The following CAPSL variants were observed in gnomAD, a reference collection of about 807,000 sequenced individuals.
The protein encoded by CAPSL is calcyphosin-like protein.
Under a neutral mutation model 21.3 loss-of-function variants are expected in CAPSL, and 17 were observed. The observed-to-expected ratio is 0.80, with a 90% CI of 0.55 to 1.20. CAPSL has a LOEUF of 1.20. Ranked by LOEUF, CAPSL falls within the 50% of genes most tolerant of loss-of-function variation. The pLI, the probability that CAPSL is intolerant of heterozygous loss-of-function variation, is 0.00. For missense variants in CAPSL, 289 were observed against 259.3 expected (o/e 1.11, Z -0.79); for synonymous variants, 102 against 89.3 (o/e 1.14, Z -0.80).
At chr5:35,916,828 C>T (rs1206803642) in intron 2 of CAPSL, among the ~76,000 whole-genome samples, 1 of 152,150 alleles carries the variant, frequency 6.6e-6, no homozygotes, top group African/African-American at 2.4e-5. Flanking sequence ...GTCTAAAACA[C>T]CAAAAGCAAT....
chr5:35,904,606 C>T lies in CAPSL; in HGVS notation c.566G>A (p.Ser189Asn), dbSNP rs1378620557. The T allele has an allele frequency of 6.2e-7, 1 of 1,613,834 alleles. No individual in the cohort carries two copies. Among genetic ancestry groups the T allele is most frequent in the African/African-American group, 1.3e-5 (1 of 74,942 alleles). Residue 189 changes from serine (S) to asparagine (N), a missense_variant, in exon 5 of 5, where the codon AGC becomes AAC. By Grantham distance (46) the Ser-to-Asn change is conservative. Coordinates refer to ENST00000651391, the MANE Select transcript of CAPSL (RefSeq NM_001042625.2). ...EEFMNYYAGV[S>N]ASIDTDVYFI... ...GTACACATCAGTGTCAATGGATGCG[C>T]TCACACCTGCATAGTAGTTCATGAA...
At chr5:35,910,224 T>G in intron 3 of CAPSL, 142 bp downstream of exon 3, 2 of 1,119,132 alleles carry the variant, frequency 1.8e-6, no homozygotes, top group Non-Finnish European at 2.5e-6. Flanking sequence ...GCTCCAAAAA[T>G]TCCTAAGTCT....
intron 2 of CAPSL, among the ~76,000 whole-genome samples, chr5:35,916,616 G>A (rs370584746): frequency 2.0e-5 from 3 of 152,324 alleles, no homozygotes; most frequent in East Asian, 3.9e-4. Context: ...AATGGGGAAA[G>A]GATTGCCTAT....
intron 1 of CAPSL, among the ~76,000 whole-genome samples, chr5:35,926,031 G>A (rs1032165494): frequency 6.8e-6 from 1 of 147,352 alleles, no homozygotes; most frequent in Non-Finnish European, 1.5e-5. Flanking sequence ...AGCCAAGATC[G>A]CGCCACTGCA....
At chr5:35,933,502 T>C (rs1227324099) in intron 1 of CAPSL, among the ~76,000 whole-genome samples, 1 of 152,152 alleles carries the variant, frequency 6.6e-6, no homozygotes, top group East Asian at 1.9e-4. Flanking sequence ...TCAGAAAATG[T>C]TCATTTTTTA....
intron 1 of CAPSL, among the ~76,000 whole-genome samples, chr5:35,932,888 A>T (rs528805378): frequency 6.6e-6 from 1 of 152,318 alleles, no homozygotes; most frequent in East Asian, 1.9e-4. Flanking sequence ...GTTATGAAGG[A>T]TGCCCTCAGT....
chr5:35,922,486 CA>C (rs1738565600), intron 1 of CAPSL, among the ~76,000 whole-genome samples: 1 of 152,140 alleles, frequency 6.6e-6, no homozygotes, highest in Admixed American at 6.5e-5. Context: ...AACCTCGGGT[CA>C]AGAAGGAGAC....
chr5:35,923,855 G>GTTGA (rs1295117867), intron 1 of CAPSL, among the ~76,000 whole-genome samples: 4 of 152,074 alleles, frequency 2.6e-5, no homozygotes, highest in Admixed American at 1.3e-4. Flanking sequence ...CATTGTGAAT[G>GTTGA]TAATATACAC....
intron 2 of CAPSL, among the ~76,000 whole-genome samples, chr5:35,917,632 C>G (rs1413754585): frequency 6.6e-6 from 1 of 152,144 alleles, no homozygotes; most frequent in Admixed American, 6.5e-5. Flanking sequence ...AACCAAACAC[C>G]GCATGTTCGC....
chr5:35,926,512 A>G (rs1054660783), intron 1 of CAPSL, among the ~76,000 whole-genome samples: 1 of 152,196 alleles, frequency 6.6e-6, no homozygotes, highest in Non-Finnish European at 1.5e-5. Flanking sequence ...AGGATGTGGA[A>G]AGCTGTAAAT....
At chr5:35,930,502 A>G (rs1020902626) in intron 1 of CAPSL, among the ~76,000 whole-genome samples, 6 of 152,224 alleles carry the variant, frequency 3.9e-5, no homozygotes, top group African/African-American at 1.4e-4. Flanking sequence ...ATGTTTAAAG[A>G]GGCACACAGT....
Position 35,909,864 on chromosome 5 carries a change from A to G in CAPSL, c.525+2T>C. The G allele has an allele frequency of 6.2e-7, 1 of 1,606,324 alleles. No homozygotes were observed. The highest frequency in any genetic ancestry group is 8.5e-7 in the Non-Finnish European group (1 of 1,177,752). ...TCCCCTAGATTAGGCTCTTTTACTT[A>G]CCAATCCATCTTTGTCATAGGGTGA... On this transcript the variant is annotated splice_donor_variant, in intron 4 of 4. Coordinates refer to ENST00000651391, the MANE Select transcript of CAPSL (RefSeq NM_001042625.2). LOFTEE classifies it high-confidence loss of function.
At chr5:35,931,371 T>A (rs888629140) in intron 1 of CAPSL, among the ~76,000 whole-genome samples, 2 of 151,334 alleles carry the variant, frequency 1.3e-5, no homozygotes, top group Non-Finnish European at 2.9e-5. Context: ...CTTTTGACTA[T>A]GAAAGAGAGC....
chr5:35,933,875 A>G (rs1043879391), intron 1 of CAPSL, among the ~76,000 whole-genome samples: 2 of 152,238 alleles, frequency 1.3e-5, no homozygotes, highest in African/African-American at 4.8e-5. Context: ...AGACTGCAGG[A>G]AAAACAAGAT....
intron 4 of CAPSL, among the ~76,000 whole-genome samples, chr5:35,909,100 T>C (rs1580878902): frequency 7.0e-6 from 1 of 142,768 alleles, no homozygotes; most frequent in Admixed American, 7.0e-5. Flanking sequence ...TTTTTTTTTT[T>C]CTAAAAAGTC....
intron 1 of CAPSL, among the ~76,000 whole-genome samples, chr5:35,926,387 G>T (rs1355862939): frequency 6.6e-6 from 1 of 152,184 alleles, no homozygotes; most frequent in Non-Finnish European, 1.5e-5. Flanking sequence ...GAGGCAGAGT[G>T]TAGCTACGGT....
chr5:35,910,316 C>G (rs767296914), intron 3 of CAPSL, 50 bp downstream of exon 3: 1 of 1,578,488 alleles, frequency 6.3e-7, no homozygotes, highest in Non-Finnish European at 8.6e-7. Context: ...CCAACCCAAA[C>G]CACGTGAAAG....
chr5:35,925,939 G>T (rs1738663808), intron 1 of CAPSL, among the ~76,000 whole-genome samples: 1 of 152,090 alleles, frequency 6.6e-6, no homozygotes, highest in South Asian at 2.1e-4. Context: ...AGCCGGTCAT[G>T]ATGGCGGTTG....
At chr5:35,933,261 A>G (rs1738865089) in intron 1 of CAPSL, among the ~76,000 whole-genome samples, 1 of 152,174 alleles carries the variant, frequency 6.6e-6, no homozygotes, top group Non-Finnish European at 1.5e-5. Flanking sequence ...AGTTTTTCAA[A>G]GTCAGTTTGT....
Sources: allele counts gnomAD v4.1 joint callset (sites outside exome capture counted in the v4.1 genomes callset), GRCh38; gene constraint gnomAD v4.1.1; transcripts MANE v1.5; gene names NCBI Gene and HGNC (gene_info 2026-07-23, HGNC 2026-07-21).